GPC5: variants seen among roughly 807,000 people sequenced by gnomAD.
GPC5 encodes glypican 5.
A neutral mutation model predicts 53.9 loss-of-function variants in GPC5; 47 were observed. The observed-to-expected ratio is 0.87, with a 90% CI of 0.69 to 1.11. The LOEUF (loss-of-function observed/expected upper bound fraction) is 1.11. GPC5 is among the 50% of genes most tolerant of loss of function. The pLI is 0.00. For missense variants in GPC5, 748 were observed against 713.1 expected, an observed-to-expected ratio of 1.05 and a Z score of -0.56; for synonymous variants, 286 against 263.3, an observed-to-expected ratio of 1.09 and a Z score of -0.84.
At chr13:92,543,859 T>A (rs764910449) in intron 7 of GPC5, among the ~76,000 whole-genome samples, 26 of 152,240 alleles carry the variant, frequency 1.7e-4, no homozygotes, top group African/African-American at 6.3e-4. Context: ...GTTTACACTT[T>A]GCAACATAAA....
At chr13:91,970,296 G>T (rs115044016) in intron 6 of GPC5, among the ~76,000 whole-genome samples, 1 of 152,220 alleles carries the variant, frequency 6.6e-6, no homozygotes, top group Middle Eastern at 3.4e-3. Flanking sequence ...GGGGAATGGG[G>T]AATGGGGAGA....
chr13:91,969,854 C>CA (rs1177508744), intron 6 of GPC5, among the ~76,000 whole-genome samples: 4 of 151,648 alleles, frequency 2.6e-5, no homozygotes, highest in African/African-American at 7.3e-5. Flanking sequence ...TACAAAAAAA[C>CA]AAAAAAAGGA....
At chr13:92,766,489 T>A (rs562921258) in intron 7 of GPC5, among the ~76,000 whole-genome samples, 7 of 152,356 alleles carry the variant, frequency 4.6e-5, no homozygotes, top group African/African-American at 1.7e-4. Flanking sequence ...ATGAGTTCTT[T>A]GTTTTCTGTT....
intron 2 of GPC5, among the ~76,000 whole-genome samples, chr13:91,603,993 G>A (rs534984897): frequency 2.1e-3 from 301 of 146,296 alleles, no homozygotes; most frequent in African/African-American, 7.3e-3. Context: ...GGGTACATGT[G>A]CACATTGTGC....
intron 6 of GPC5, among the ~76,000 whole-genome samples, chr13:92,051,140 G>A (rs1022516115): frequency 1.3e-5 from 2 of 151,250 alleles, no homozygotes; most frequent in South Asian, 2.1e-4. Flanking sequence ...CAGCTAAAAT[G>A]CATATTCAGA....
At chr13:92,657,592 T>TG (rs947402200) in intron 7 of GPC5, among the ~76,000 whole-genome samples, 6 of 148,894 alleles carry the variant, frequency 4.0e-5, no homozygotes, top group African/African-American at 7.4e-5. Context: ...TTTTTTTTTT[T>TG]TTTTTTTTTT....
chr13:92,111,757 A>G (rs909067685), intron 6 of GPC5, among the ~76,000 whole-genome samples: 1 of 152,196 alleles, frequency 6.6e-6, no homozygotes, highest in East Asian at 1.9e-4. Context: ...CAGGTAGGCA[A>G]CAATGGGGAA....
At chr13:92,729,693 T>C (rs9523790) in intron 7 of GPC5, among the ~76,000 whole-genome samples, 24,730 of 151,352 alleles carry the variant, frequency 0.16, 2,426 homozygotes, top group Non-Finnish European at 0.23. Context: ...TTGATGTTGA[T>C]TGACATAGTT....
At chr13:91,874,780 A>G (rs534006934) in intron 5 of GPC5, among the ~76,000 whole-genome samples, 1 of 152,208 alleles carries the variant, frequency 6.6e-6, no homozygotes, top group East Asian at 1.9e-4. Flanking sequence ...TTTGACCTTT[A>G]TTTGCTGAAT....
intron 6 of GPC5, among the ~76,000 whole-genome samples, chr13:92,002,759 A>G (rs899058798): frequency 3.9e-5 from 6 of 152,230 alleles, no homozygotes; most frequent in African/African-American, 1.2e-4. Flanking sequence ...CAAATCAGAC[A>G]ATACTACAGG....
At chr13:92,385,391 C>T (rs1306639160) in intron 7 of GPC5, among the ~76,000 whole-genome samples, 3 of 66,592 alleles carry the variant, frequency 4.5e-5, no homozygotes, top group African/African-American at 1.8e-4. Context: ...CATATATATA[C>T]ATATATACAC....
At chr13:92,562,106 G>A (rs1882718184) in intron 7 of GPC5, among the ~76,000 whole-genome samples, 1 of 152,058 alleles carries the variant, frequency 6.6e-6, no homozygotes, top group Non-Finnish European at 1.5e-5. Flanking sequence ...TCCCCATGGT[G>A]CCTTCAAAGA....
chr13:91,740,671 G>C (rs1159766161), intron 4 of GPC5, among the ~76,000 whole-genome samples: 2 of 152,168 alleles, frequency 1.3e-5, no homozygotes, highest in African/African-American at 4.8e-5. Flanking sequence ...GTAAGGAAGA[G>C]CTACTGCTCC....
At chr13:91,418,076 T>C (rs938254235) in intron 1 of GPC5, among the ~76,000 whole-genome samples, 1 of 152,142 alleles carries the variant, frequency 6.6e-6, no homozygotes, top group Non-Finnish European at 1.5e-5. Context: ...ATTGTCCCTT[T>C]GTGCAATGTG....
intron 6 of GPC5, among the ~76,000 whole-genome samples, chr13:91,952,217 G>T (rs966051631): frequency 5.3e-5 from 8 of 151,750 alleles, no homozygotes; most frequent in Admixed American, 4.6e-4. Flanking sequence ...GTATGTATTT[G>T]TGCATACTTG....
rs1174176386 is a variant in GPC5, at chr13:91,783,434, A to G, written c.1280+27014A>G. ...AAATTTAAAAAATAGTTTTTACTTT[A>G]ATTAATTTATTTATTTTGAGATGGA... On this transcript the variant is annotated intron_variant, in intron 5 of 7. Coordinates refer to ENST00000377067, the MANE Select transcript of GPC5 (RefSeq NM_004466.6). Among the ~76,000 whole-genome samples, 7 of 152,150 alleles carry G rather than the reference A, an allele frequency of 4.6e-5. No individual in the cohort carries two copies. The East Asian group carries it at 1.4e-3, about 29-fold the overall frequency.
chr13:91,643,403 G>C (rs1331610995), intron 2 of GPC5, among the ~76,000 whole-genome samples: 1 of 152,160 alleles, frequency 6.6e-6, no homozygotes, highest in African/African-American at 2.4e-5. Flanking sequence ...TCACTGAAAT[G>C]TAACTACTAC....
At chr13:91,990,245 G>A (rs1185518672) in intron 6 of GPC5, among the ~76,000 whole-genome samples, 1 of 152,180 alleles carries the variant, frequency 6.6e-6, no homozygotes, top group Non-Finnish European at 1.5e-5. Flanking sequence ...TTAAACTCAA[G>A]TAAAAGTGAG....
chr13:92,663,846 CACACACACACTATATATATATATATA>C lies in GPC5; in HGVS notation c.1562-202435_1562-202410del, dbSNP rs1566350975. On this transcript the variant is annotated intron_variant, in intron 7 of 7. Transcript: ENST00000377067. ...TATATACACACACTATATATATATA[CACACACACACTATATATATATATATA>C]TATATATATATATATATATATATAT... Among the ~76,000 whole-genome samples the C allele has an allele frequency of 7.0e-3, 811 of 115,708 alleles. 17 individuals are homozygous for C. Among genetic ancestry groups the C allele is most frequent in the African/African-American group, 0.026 (758 of 28,928 alleles). 75.9% of individuals were successfully genotyped at this position (115,708 alleles called of 152,430 possible).
Sources: gnomAD v4.1 joint callset for allele counts (sites outside exome capture counted in the v4.1 genomes callset) on GRCh38, gnomAD v4.1.1 for gene constraint, MANE v1.5 for transcripts, NCBI Gene and HGNC (gene_info 2026-07-23, HGNC 2026-07-21) for gene names.